Variants in ZNF445 observed in about 807,000 individuals in gnomAD.
ZNF445 encodes zinc finger protein 168.
A neutral mutation model predicts 93.9 loss-of-function variants in ZNF445; 19 were observed. The ratio of observed to expected loss-of-function variants is 0.20; its 90% CI spans 0.14 to 0.30. ZNF445 has a LOEUF of 0.30. Ranked by LOEUF, ZNF445 falls within the 10% of genes least tolerant of loss-of-function variation. The pLI, the probability that ZNF445 is intolerant of heterozygous loss-of-function variation, is 1.00. For synonymous variants in ZNF445, 449 were observed against 446.3 expected (o/e 1.01, Z -0.08); for missense variants, 1,058 against 1,259.4 (o/e 0.84, Z 2.42).
At chr3:44,471,230 C>T (rs970103225) in intron 1 of ZNF445, among the ~76,000 whole-genome samples, 1 of 152,108 alleles carries the variant, frequency 6.6e-6, no homozygotes, top group Non-Finnish European at 1.5e-5. Context: ...TCTTCTTGTC[C>T]CTAAAAGCTT....
chr3:44,451,362 C>T lies in ZNF445; in HGVS notation c.550G>A (p.Glu184Lys), dbSNP rs369572669. 2 of 1,614,010 alleles carry T rather than the reference C, an allele frequency of 1.2e-6. No individual in the cohort carries two copies. Among genetic ancestry groups the T allele is most frequent in the Middle Eastern group, 1.6e-4 (1 of 6,082 alleles). The stretch of plus-strand genomic sequence containing the variant: ...CGTGCTTCTATTTCATAGGGAGGCT[C>T]CAGGTGGTCCCCCAGAGCAGAGCTG... ...RSSSALGDHL[E>K]PPYEIEARDF... The change falls in exon 4 of 8, where the codon GAG becomes AAG. Residue 184 changes from glutamate to lysine, a missense_variant. Physicochemically the swap from Glu to Lys is moderately conservative, Grantham distance 56 (BLOSUM62 1). This residue lies in a region of ZNF445 where 657 missense variants were observed against 746.4 expected (regional missense o/e 0.88). Transcript: ENST00000396077.
At chr3:44,462,087 C>T (rs6441844) in intron 1 of ZNF445, among the ~76,000 whole-genome samples, 63,897 of 151,746 alleles carry the variant, frequency 0.42, 14,353 homozygotes, top group East Asian at 0.86. Context: ...TAGTCTTTGG[C>T]GGTAGCAAAC....
At chr3:44,469,285 T>A (rs1257929445) in intron 1 of ZNF445, among the ~76,000 whole-genome samples, 1 of 151,966 alleles carries the variant, frequency 6.6e-6, no homozygotes, top group Non-Finnish European at 1.5e-5. Flanking sequence ...AGATGGAGGG[T>A]TCACAAGATC....
rs1697825879 is a variant in ZNF445, at chr3:44,442,619, A to G, written c.*3956T>C. 1.3e-5 allele frequency: 2 copies of G among 152,280 alleles called. No individual in the cohort carries two copies. The highest frequency in any genetic ancestry group is 2.9e-5 in the Non-Finnish European group (2 of 68,108). 9.4% of individuals were successfully genotyped at this position (152,280 alleles called of 1,614,324 possible). On this transcript the variant is annotated 3_prime_UTR_variant, in exon 8 of 8. Coordinates refer to ENST00000396077, the MANE Select transcript of ZNF445 (RefSeq NM_181489.6). ...AGACCTTCAAATACCCACTCCAGCCATCTGGCTCTCCTCAACCCCAACTTC... is the reference window on the plus strand; with the variant it reads ...AGACCTTCAAATACCCACTCCAGCCGTCTGGCTCTCCTCAACCCCAACTTC...
rs1187520004 is a variant in ZNF445 at position 44,432,828 on chromosome 3, G to A, written c.*13747C>T. ...AGAACCCAACAAGGAACCAGCTGGCGAAGCAGCATCGTGCCTGTTCTTTGT... is the reference window on the plus strand; with the variant it reads ...AGAACCCAACAAGGAACCAGCTGGCAAAGCAGCATCGTGCCTGTTCTTTGT... On this transcript the variant is annotated 3_prime_UTR_variant, in exon 8 of 8. Coordinates refer to ENST00000396077, the MANE Select transcript of ZNF445 (RefSeq NM_181489.6). 6.6e-6 allele frequency: 1 copy of A among 152,196 alleles called. No individual in the cohort carries two copies. The highest frequency in any genetic ancestry group is 2.4e-5 in the African/African-American group (1 of 41,440). The allele number at this position is 152,196 out of a possible 1,614,324, so 9.4% of individuals were successfully genotyped here. A position where few individuals can be genotyped will look rare whatever the true frequency, so the allele number is the denominator to read the frequency against.
At position 44,444,088 on chromosome 3, in the gene ZNF445, T is replaced by C. The variant is rs537554837; in HGVS notation, c.*2487A>G. ...TGAGCCTGGGAGGTCAAGGCTGCAG[T>C]AAGCTGTGATCCTGCCACTGCACTC... is the stretch of plus-strand genomic sequence containing the variant. On this transcript the variant is annotated 3_prime_UTR_variant, in exon 8 of 8. Coordinates refer to ENST00000396077, the MANE Select transcript of ZNF445 (RefSeq NM_181489.6). 4 of 152,258 alleles carry C rather than the reference T, an allele frequency of 2.6e-5. No individual in the cohort carries two copies. Among genetic ancestry groups the C allele is most frequent in the Admixed American group, 6.5e-5 (1 of 15,296 alleles). The allele number at this position is 152,258 out of a possible 1,614,324, so 9.4% of individuals were successfully genotyped here. A position where few individuals can be genotyped will look rare whatever the true frequency, so the allele number is the denominator to read the frequency against.
At position 44,450,755 on chromosome 3, in the gene ZNF445, G is replaced by A. The variant is rs187261021; in HGVS notation, c.693+113C>T. ...GGGGATAATCTGGTCTCTGGAACAC[G>A]GGTCTTTGGATGTGAGATTACTAGA... On this transcript the variant is annotated intron_variant, in intron 5 of 7. Coordinates refer to ENST00000396077, the MANE Select transcript of ZNF445 (RefSeq NM_181489.6). 1.7e-4 allele frequency: 213 copies of A among 1,274,372 alleles called. No homozygotes were observed. In the East Asian group the frequency reaches 3.9e-3, roughly 24 times the overall value. The allele number at this position is 1,274,372 out of a possible 1,614,324, so 78.9% of individuals were successfully genotyped here.
chr3:44,454,289 T>C (rs1278637146), intron 3 of ZNF445, among the ~76,000 whole-genome samples: 1 of 151,570 alleles, frequency 6.6e-6, no homozygotes, highest in Non-Finnish European at 1.5e-5. Context: ...ACATGTACTC[T>C]CCCACTGAGA....
In ZNF445 at chr3:44,442,439, A is replaced by T. The variant is rs1292985964; in HGVS notation, c.*4136T>A. ...TATTTCTCACAATTTCTACTCATAA[A>T]GCAGTGTGAATTATCGTTGTTCCAC... is the stretch of plus-strand genomic sequence containing the variant. On this transcript the variant is annotated 3_prime_UTR_variant, in exon 8 of 8. Transcript: ENST00000396077. 6.6e-6 allele frequency: 1 copy of T among 152,232 alleles called. No individual in the cohort carries two copies. The highest frequency in any genetic ancestry group is 1.5e-5 in the Non-Finnish European group (1 of 68,042). The allele number at this position is 152,232 out of a possible 1,614,324, so 9.4% of individuals were successfully genotyped here. A position where few individuals can be genotyped will look rare whatever the true frequency, so the allele number is the denominator to read the frequency against.
intron 6 of ZNF445, chr3:44,450,090 G>A (rs546392465): frequency 1.4e-4 from 46 of 320,774 alleles, no homozygotes; most frequent in South Asian, 3.3e-4. Context: ...ACAGGCGTGC[G>A]TACCACATGC....
intron 1 of ZNF445, among the ~76,000 whole-genome samples, chr3:44,475,649 C>A (rs758924502): frequency 5.9e-5 from 9 of 152,188 alleles, no homozygotes; most frequent in Non-Finnish European, 1.3e-4. Flanking sequence ...TGCCTTGAGG[C>A]GTCTATGAGG....
intron 1 of ZNF445, among the ~76,000 whole-genome samples, chr3:44,459,110 CAGG>C (rs1698071524): frequency 6.6e-6 from 1 of 152,110 alleles, no homozygotes; most frequent in African/African-American, 2.4e-5. Context: ...ATCCATGTGC[CAGG>C]ATAGTGGCAC....
At chr3:44,472,490 C>G (rs933062074) in intron 1 of ZNF445, among the ~76,000 whole-genome samples, 3 of 152,182 alleles carry the variant, frequency 2.0e-5, no homozygotes, top group Admixed American at 1.3e-4. Flanking sequence ...GGATTACAGG[C>G]GCATGCCACC....
At chr3:44,463,987 G>A (rs148486821) in intron 1 of ZNF445, among the ~76,000 whole-genome samples, 4 of 152,286 alleles carry the variant, frequency 2.6e-5, no homozygotes, top group African/African-American at 7.2e-5. Context: ...TTAGCCAGGC[G>A]TAGTGGTGCG....
chr3:44,476,533 C>G (rs1230093400), intron 1 of ZNF445, among the ~76,000 whole-genome samples: 2 of 152,160 alleles, frequency 1.3e-5, no homozygotes, highest in South Asian at 4.1e-4. Context: ...AATCAAATTA[C>G]TGCTCAAACC....
chr3:44,465,913 C>CA lies in ZNF445; in HGVS notation c.-268-7550dup, dbSNP rs538472819. Among the ~76,000 whole-genome samples the CA allele has an allele frequency of 3.5e-3, 523 of 150,358 alleles. 2 individuals are homozygous for CA. Among genetic ancestry groups the CA allele is most frequent in the Middle Eastern group, 0.021 (6 of 292 alleles). ...TGGGCTACAGAGTAAGACTTCGTCTCAAAAAAAAACCAAAAAACAAAACAA... is the reference window on the plus strand; with the variant it reads ...TGGGCTACAGAGTAAGACTTCGTCTCAAAAAAAAAACCAAAAAACAAAACAA... On this transcript the variant is annotated intron_variant, in intron 1 of 7. Coordinates refer to ENST00000396077, the MANE Select transcript of ZNF445 (RefSeq NM_181489.6).
In ZNF445 at chr3:44,445,002, G is replaced by A. The variant is rs555109676; in HGVS notation, c.*1573C>T. 1 of 152,310 alleles carries A rather than the reference G, an allele frequency of 6.6e-6. No homozygotes were observed. The highest frequency in any genetic ancestry group is 2.4e-5 in the African/African-American group (1 of 41,564). 9.4% of individuals were successfully genotyped at this position (152,310 alleles called of 1,614,324 possible). A position where few individuals can be genotyped will look rare whatever the true frequency, so the allele number is the denominator to read the frequency against. ...CTTTGCCTTTAAGTAATTGATTCTT[G>A]CTTTTTGCTTCAACACAAGTGGGTG... On this transcript the variant is annotated 3_prime_UTR_variant, in exon 8 of 8. Coordinates refer to ENST00000396077, the MANE Select transcript of ZNF445 (RefSeq NM_181489.6).
chr3:44,475,155 A>G (rs549074289), intron 1 of ZNF445, among the ~76,000 whole-genome samples: 7 of 152,172 alleles, frequency 4.6e-5, no homozygotes, highest in African/African-American at 1.4e-4. Context: ...TCATTCAGTC[A>G]TCATCATTTT....
chr3:44,459,315 CAAAAT>C lies in ZNF445; in HGVS notation c.-268-956_-268-952del, dbSNP rs1217736543. ...GCAATACAATCAGAAAATTAATCAA[CAAAAT>C]AAAACACCCAGAAATAAAGCTAATA... is the stretch of plus-strand genomic sequence containing the variant. On this transcript the variant is annotated intron_variant, in intron 1 of 7. Coordinates refer to ENST00000396077, the MANE Select transcript of ZNF445 (RefSeq NM_181489.6). 6.6e-5 allele frequency among the ~76,000 whole-genome samples: 10 copies of C among 152,074 alleles called. No individual in the cohort carries two copies. The East Asian group carries it at 1.4e-3, about 21-fold the overall frequency.
Sources: gnomAD v4.1 joint callset for allele counts (sites outside exome capture counted in the v4.1 genomes callset) on GRCh38, gnomAD v4.1.1 for gene constraint, gnomAD v4.1.1 regional missense constraint, MANE v1.5 for transcripts, NCBI Gene and HGNC (gene_info 2026-07-23, HGNC 2026-07-21) for gene names.